Variants in PPP1R9A observed in about 807,000 individuals in gnomAD.
PPP1R9A encodes neurabin-1.
A neutral mutation model predicts 141.9 loss-of-function variants in PPP1R9A; 59 were observed. The observed-to-expected ratio is 0.42, with a 90% CI of 0.34 to 0.52. The LOEUF (loss-of-function observed/expected upper bound fraction) is 0.52. Ranked by LOEUF, PPP1R9A falls within the 20% of genes least tolerant of loss-of-function variation. The pLI, the probability that PPP1R9A is intolerant of heterozygous loss-of-function variation, is 0.10. For synonymous variants in PPP1R9A, 500 were observed against 569.7 expected (o/e 0.88, Z 1.74); for missense variants, 1,444 against 1,611.9 (o/e 0.90, Z 1.78).
intron 2 of PPP1R9A, among the ~76,000 whole-genome samples, chr7:94,992,468 A>G (rs1436839718): frequency 2.0e-5 from 3 of 152,214 alleles, no homozygotes; most frequent in Non-Finnish European, 4.4e-5. Flanking sequence ...TAATATAAAC[A>G]TGCACTTTTC....
At chr7:95,026,284 T>G (rs901530552) in intron 2 of PPP1R9A, among the ~76,000 whole-genome samples, 1 of 152,196 alleles carries the variant, frequency 6.6e-6, no homozygotes, top group African/African-American at 2.4e-5. Context: ...TTTGTTGATG[T>G]TGATGCTATT....
At chr7:95,181,340 AATAT>A (rs1833737358) in intron 5 of PPP1R9A, among the ~76,000 whole-genome samples, 1 of 141,450 alleles carries the variant, frequency 7.1e-6, no homozygotes, top group Non-Finnish European at 1.5e-5. Context: ...GAATATATAG[AATAT>A]ATATAGTATA....
chr7:94,960,191 G>A (rs1487357418), intron 2 of PPP1R9A, among the ~76,000 whole-genome samples: 3 of 95,470 alleles, frequency 3.1e-5, no homozygotes, highest in African/African-American at 1.2e-4. Context: ...TTTTCTTCAT[G>A]TTCTTCCTAT....
chr7:95,246,374 A>T (rs1563492199), intron 8 of PPP1R9A, among the ~76,000 whole-genome samples: 1 of 152,198 alleles, frequency 6.6e-6, no homozygotes, highest in African/African-American at 2.4e-5. Context: ...GTAAAAGTTT[A>T]TGGTCCCTCA....
chr7:94,974,559 T>A lies in PPP1R9A; in HGVS notation c.1395+63051T>A, dbSNP rs561337774. Among the ~76,000 whole-genome samples the A allele has an allele frequency of 3.3e-5, 5 of 152,326 alleles. No individual in the cohort carries two copies. In the East Asian group the frequency reaches 9.6e-4, roughly 29 times the overall value. On this transcript the variant is annotated intron_variant, in intron 2 of 19. Transcript: ENST00000433360. The stretch of plus-strand genomic sequence containing the variant: ...AAAGAACAAGAGCATGTCCTTTTCT[T>A]CTGATTAATTCATCTAAGAAACACT...
intron 4 of PPP1R9A, 114 bp downstream of exon 4, chr7:95,120,946 G>T: frequency 1.5e-6 from 2 of 1,350,954 alleles, no homozygotes; most frequent in South Asian, 1.5e-5. Flanking sequence ...AGAATTTCAG[G>T]TTTCTCAGAT....
chr7:94,993,521 G>C (rs1397534707), intron 2 of PPP1R9A, among the ~76,000 whole-genome samples: 2 of 152,130 alleles, frequency 1.3e-5, no homozygotes, highest in Non-Finnish European at 2.9e-5. Context: ...GAGTTTTTGT[G>C]AACAAGCTGT....
At chr7:95,084,882 C>A (rs542201530) in intron 2 of PPP1R9A, among the ~76,000 whole-genome samples, 2 of 151,962 alleles carry the variant, frequency 1.3e-5, no homozygotes, top group South Asian at 4.2e-4. Context: ...AGTGAGTATC[C>A]TTGTGCACGT....
At chr7:95,198,299 C>T in intron 5 of PPP1R9A, 50 bp from the exon 6 acceptor site, 1 of 1,513,908 alleles carries the variant, frequency 6.6e-7, no homozygotes, top group East Asian at 2.3e-5. Flanking sequence ...TCTTAAAACT[C>T]CTTTTTGTTG....
chr7:95,026,026 C>T (rs1340179174), intron 2 of PPP1R9A, among the ~76,000 whole-genome samples: 4 of 152,102 alleles, frequency 2.6e-5, no homozygotes, highest in African/African-American at 7.2e-5. Context: ...AGAACATGTT[C>T]CTTTAGCTCA....
chr7:94,938,490 G>A (rs1795003019), intron 2 of PPP1R9A, among the ~76,000 whole-genome samples: 1 of 151,784 alleles, frequency 6.6e-6, no homozygotes, highest in Admixed American at 6.6e-5. Flanking sequence ...TGTTGACTGT[G>A]GCACTGCTAT....
At position 94,981,282 on chromosome 7, in the gene PPP1R9A, G is replaced by A. The variant is rs1800073192; in HGVS notation, c.1395+69774G>A. Among the ~76,000 whole-genome samples, 3 of 152,164 alleles carry A rather than the reference G, an allele frequency of 2.0e-5. No individual in the cohort carries two copies. In the South Asian group the frequency reaches 6.2e-4, roughly 32 times the overall value. On this transcript the variant is annotated intron_variant, in intron 2 of 19. Transcript: ENST00000433360. Reference sequence around the variant, plus strand: ...ACAGTCTCACTCTGTCGCCCAGGCTGTAGTGCAGTGGCAAGATCTCGATCT... The same window carrying A: ...ACAGTCTCACTCTGTCGCCCAGGCTATAGTGCAGTGGCAAGATCTCGATCT...
chr7:95,033,661 C>A (rs1377860151), intron 2 of PPP1R9A, among the ~76,000 whole-genome samples: 1 of 151,990 alleles, frequency 6.6e-6, no homozygotes, highest in Non-Finnish European at 1.5e-5. Context: ...ACATTAAGTC[C>A]TGAAAACTTA....
intron 2 of PPP1R9A, among the ~76,000 whole-genome samples, chr7:94,991,942 G>T (rs1313039210): frequency 6.6e-6 from 1 of 152,196 alleles, no homozygotes; most frequent in Non-Finnish European, 1.5e-5. Context: ...GTGGGCCAGT[G>T]CACCCGGCCT....
chr7:94,992,094 A>G (rs1801585966), intron 2 of PPP1R9A, among the ~76,000 whole-genome samples: 1 of 152,206 alleles, frequency 6.6e-6, no homozygotes, highest in Non-Finnish European at 1.5e-5. Context: ...TCATCATAGC[A>G]ATGAGGAAAA....
intron 16 of PPP1R9A, among the ~76,000 whole-genome samples, chr7:95,275,236 C>T (rs185736272): frequency 3.5e-4 from 53 of 151,916 alleles, no homozygotes; most frequent in Admixed American, 1.6e-3. Flanking sequence ...GGCGAAACCC[C>T]GTCTCTACCA....
At chr7:95,153,973 A>G (rs953172121) in intron 4 of PPP1R9A, among the ~76,000 whole-genome samples, 1 of 152,018 alleles carries the variant, frequency 6.6e-6, no homozygotes, top group Non-Finnish European at 1.5e-5. Flanking sequence ...TTTCTGTAGT[A>G]TTAGTTGTAA....
rs1382945725 is a variant in PPP1R9A at position 95,250,473 on chromosome 7, C to A, written c.2396+218C>A. On this transcript the variant is annotated intron_variant, in intron 10 of 19. Transcript: ENST00000433360. ...TTGTATATTTTATAGTTTTTGGCTG[C>A]CAGGGCCTCTTTGCTATTTTTGATA... is the stretch of plus-strand genomic sequence containing the variant. Among the ~76,000 whole-genome samples the A allele has an allele frequency of 7.9e-5, 12 of 152,098 alleles. No homozygotes were observed. In the East Asian group the frequency reaches 2.1e-3, roughly 27 times the overall value.
At chr7:95,249,292 C>T (rs1278986778) in intron 9 of PPP1R9A, among the ~76,000 whole-genome samples, 1 of 152,086 alleles carries the variant, frequency 6.6e-6, no homozygotes, top group African/African-American at 2.4e-5. Context: ...CATTACACTA[C>T]ATGTAAAATA....
Sources: allele counts gnomAD v4.1 joint callset (sites outside exome capture counted in the v4.1 genomes callset), GRCh38; gene constraint gnomAD v4.1.1; transcripts MANE v1.5; gene names NCBI Gene and HGNC (gene_info 2026-07-23, HGNC 2026-07-21).